Variants in SLC1A6 observed in about 807,000 individuals in gnomAD.
The protein encoded by SLC1A6 is excitatory amino acid transporter 4.
SLC1A6 carries 15 observed loss-of-function variants against 42.1 expected under a neutral mutation model. The ratio of observed to expected loss-of-function variants is 0.36; its 90% CI spans 0.24 to 0.55. The LOEUF is 0.55. Among genes scored for constraint, SLC1A6 ranks in the 20% least tolerant of loss-of-function variants. The pLI, the probability that SLC1A6 is intolerant of heterozygous loss-of-function variation, is 0.88. For missense variants in SLC1A6, 542 were observed against 772.5 expected, an observed-to-expected ratio of 0.70 and a Z score of 3.54; for synonymous variants, 317 against 319.7, an observed-to-expected ratio of 0.99 and a Z score of 0.09.
intron 4 of SLC1A6, among the ~76,000 whole-genome samples, chr19:14,966,129 C>T (rs1474379860): frequency 6.6e-6 from 1 of 152,058 alleles, no homozygotes; most frequent in Admixed American, 6.6e-5. Flanking sequence ...CAGAATTCTC[C>T]ACTATATAAT....
At chr19:15,010,585 T>A in exon 1 of SLC1A6, 1 of 651,758 alleles carries the variant, frequency 1.5e-6, no homozygotes, top group Admixed American at 2.4e-5. Context: ...AGAAGGATGC[T>A]AGATGGGCTC....
chr19:14,975,841 GGGACAAA>G, intron 1 of SLC1A6, among the ~76,000 whole-genome samples: 5 of 140,238 alleles, frequency 3.6e-5, no homozygotes, highest in Admixed American at 7.4e-5. Flanking sequence ...GGAAGGGAAG[GGGACAAA>G]GGGAAGGGAA....
intron 1 of SLC1A6, among the ~76,000 whole-genome samples, chr19:15,006,070 T>C (rs180936103): frequency 6.6e-6 from 1 of 152,340 alleles, no homozygotes; most frequent in Admixed American, 6.5e-5. Context: ...TCTGGACCTC[T>C]TCTGGTTTTG....
chr19:14,965,926 T>C (rs2045569247), intron 4 of SLC1A6, among the ~76,000 whole-genome samples: 1 of 151,854 alleles, frequency 6.6e-6, no homozygotes, highest in African/African-American at 2.4e-5. Flanking sequence ...AGTGAAGTAA[T>C]TCAGGAATGG....
intron 1 of SLC1A6, among the ~76,000 whole-genome samples, chr19:15,001,908 GCC>G (rs2045874249): frequency 6.6e-6 from 1 of 151,882 alleles, no homozygotes; most frequent in Non-Finnish European, 1.5e-5. Flanking sequence ...CAATTCATCC[GCC>G]TCAGTCTCCC....
intron 1 of SLC1A6, among the ~76,000 whole-genome samples, chr19:15,006,306 G>A (rs73929515): frequency 0.046 from 7,029 of 152,178 alleles, 255 homozygotes; most frequent in African/African-American, 0.095. Context: ...ATCATAATTT[G>A]AATCCTAGTT....
intron 3 of SLC1A6, among the ~76,000 whole-genome samples, chr19:14,969,260 C>A (rs1247107109): frequency 2.6e-5 from 4 of 152,222 alleles, no homozygotes; most frequent in African/African-American, 7.2e-5. Flanking sequence ...CTCCTACACC[C>A]TTTCCCAAGC....
At position 14,998,779 on chromosome 19, in the gene SLC1A6, T is replaced by C. The variant is rs2045859080; in HGVS notation, c.6+11706A>G. On this transcript the variant is annotated intron_variant, in intron 1 of 8. Coordinates refer to the SLC1A6 transcript ENST00000430939. ...AAATCTACACTTTTTGGAGCATCCC[T>C]TCTCCTTTCCAGGTCTTCTCCCTGA... Among the ~76,000 whole-genome samples, 5 of 152,306 alleles carry C rather than the reference T, an allele frequency of 3.3e-5. 1 individual carries two copies. In the South Asian group the frequency reaches 1.0e-3, roughly 32 times the overall value.
intron 1 of SLC1A6, among the ~76,000 whole-genome samples, chr19:14,995,167 A>G (rs997259426): frequency 2.0e-5 from 3 of 151,912 alleles, no homozygotes; most frequent in African/African-American, 7.3e-5. Context: ...TCTACTAATA[A>G]TACAAAAATT....
rs139973118 is a variant in SLC1A6, at chr19:14,950,317, G to A, written c.1573C>T (p.Arg525Trp). ...GAAVIEHLSQ[R>W]ELELQEAELT... ...TCAGCTTCCTGAAGCTCCAGCTCCCGCTGAGACAAGTGCTCGATGACGGCC... is the reference window on the plus strand; with the variant it reads ...TCAGCTTCCTGAAGCTCCAGCTCCCACTGAGACAAGTGCTCGATGACGGCC... Residue 525 changes from arginine (R) to tryptophan (W), a missense_variant, in exon 10 of 10, where the codon CGG (arginine) becomes TGG (tryptophan). Coordinates refer to ENST00000594383, the MANE Select transcript of SLC1A6 (RefSeq NM_005071.3). 1.2e-5 allele frequency: 20 copies of A among 1,611,796 alleles called. No individual in the cohort carries two copies. The highest frequency in any genetic ancestry group is 4.5e-5 in the East Asian group (2 of 44,806).
intron 1 of SLC1A6, among the ~76,000 whole-genome samples, chr19:14,994,243 G>C (rs1295797592): frequency 3.9e-5 from 6 of 151,990 alleles, no homozygotes; most frequent in African/African-American, 1.2e-4. Flanking sequence ...CTTACAGGAG[G>C]CAAGAGGGAT....
intron 5 of SLC1A6, among the ~76,000 whole-genome samples, chr19:14,963,547 T>C (rs2045539520): frequency 6.6e-6 from 1 of 152,194 alleles, no homozygotes. Context: ...TTTCAAAACA[T>C]CATCATACCT....
At chr19:14,966,999 G>A (rs967532541) in intron 4 of SLC1A6, among the ~76,000 whole-genome samples, 1 of 152,092 alleles carries the variant, frequency 6.6e-6, no homozygotes, top group Non-Finnish European at 1.5e-5. Context: ...ACTTATGTAA[G>A]AAACCTGCAC....
intron 1 of SLC1A6, among the ~76,000 whole-genome samples, chr19:15,009,661 T>C (rs547805785): frequency 1.2e-4 from 19 of 152,136 alleles, no homozygotes; most frequent in Non-Finnish European, 2.2e-4. Context: ...GGCTACAATG[T>C]ACACTATTTG....
At chr19:14,969,083 A>G (rs2145196246) in intron 3 of SLC1A6, among the ~76,000 whole-genome samples, 1 of 151,686 alleles carries the variant, frequency 6.6e-6, no homozygotes, top group Middle Eastern at 3.4e-3. Context: ...CAGACGATCC[A>G]CTCACCTCAG....
In SLC1A6 at chr19:14,950,148, C is replaced by T. The variant is rs370522710; in HGVS notation, c.*47G>A. Reference sequence around the variant, plus strand: ...ACAGATGTGTCACCAGGACTCCCCTCCCCAGCCCCCTTCCCTCCTCTCTGG... The same window carrying T: ...ACAGATGTGTCACCAGGACTCCCCTTCCCAGCCCCCTTCCCTCCTCTCTGG... On this transcript the variant is annotated 3_prime_UTR_variant, in exon 10 of 10. Coordinates refer to ENST00000594383, the MANE Select transcript of SLC1A6 (RefSeq NM_005071.3). The T allele has an allele frequency of 1.1e-3, 1,544 of 1,398,314 alleles. 6 individuals are homozygous for T. Among genetic ancestry groups the T allele is most frequent in the Non-Finnish European group, 1.3e-3 (1,418 of 1,054,886 alleles). The allele number at this position is 1,398,314 out of a possible 1,614,324, so 86.6% of individuals were successfully genotyped here.
intron 7 of SLC1A6, among the ~76,000 whole-genome samples, chr19:14,955,671 A>G (rs886102001): frequency 6.6e-6 from 1 of 151,786 alleles, no homozygotes; most frequent in Non-Finnish European, 1.5e-5. Flanking sequence ...GTGGCGGCTT[A>G]CACATGTAAT....
intron 1 of SLC1A6, chr19:15,010,404 A>G: frequency 2.3e-6 from 1 of 440,834 alleles, no homozygotes; most frequent in South Asian, 1.6e-5. Context: ...GACACCCTGA[A>G]GCTGAAAGAA....
At chr19:15,005,390 T>G (rs1194512169) in intron 1 of SLC1A6, among the ~76,000 whole-genome samples, 1 of 151,652 alleles carries the variant, frequency 6.6e-6, no homozygotes, top group East Asian at 1.9e-4. Flanking sequence ...GCATCTGTAA[T>G]CCCAGCTACT....
Sources: gnomAD v4.1 joint callset for allele counts (sites outside exome capture counted in the v4.1 genomes callset) on GRCh38, gnomAD v4.1.1 for gene constraint, MANE v1.5 for transcripts, NCBI Gene and HGNC (gene_info 2026-07-23, HGNC 2026-07-21) for gene names.